CDH4: variants seen among roughly 807,000 people sequenced by gnomAD.
CDH4 encodes cadherin-4.
CDH4 carries 33 observed loss-of-function variants against 86.0 expected under a neutral mutation model. The ratio of observed to expected loss-of-function variants is 0.38; its 90% CI spans 0.29 to 0.51. The LOEUF is 0.51. Ranked by LOEUF, CDH4 falls within the 20% of genes least tolerant of loss-of-function variation. The probability of loss-of-function intolerance (pLI) is 0.86; values close to 1 mark genes in which losing one functional copy is unlikely to be tolerated. For synonymous variants in CDH4, 555 were observed against 549.4 expected (o/e 1.01, Z -0.14); for missense variants, 1,114 against 1,307.4 (o/e 0.85, Z 2.28).
intron 2 of CDH4, among the ~76,000 whole-genome samples, chr20:61,611,181 TCAGCCCCAGCCC>T (rs561535348): frequency 1.3e-5 from 2 of 151,866 alleles, no homozygotes; most frequent in South Asian, 2.1e-4. Flanking sequence ...GCCGGAGCTT[TCAGCCCCAGCCC>T]CAGCCCCAGC....
At chr20:61,867,584 A>T (rs1378707412) in intron 6 of CDH4, among the ~76,000 whole-genome samples, 2 of 150,730 alleles carry the variant, frequency 1.3e-5, no homozygotes, top group African/African-American at 2.4e-5. Flanking sequence ...AGCTTATGAT[A>T]AAATTGAGCC....
intron 2 of CDH4, among the ~76,000 whole-genome samples, chr20:61,288,179 A>G (rs1262522136): frequency 3.5e-5 from 5 of 141,978 alleles, no homozygotes; most frequent in African/African-American, 7.8e-5. Flanking sequence ...CTTTGGGCAC[A>G]GGATCCAGTT....
chr20:61,870,943 G>A (rs549001323), intron 6 of CDH4, among the ~76,000 whole-genome samples: 11 of 152,230 alleles, frequency 7.2e-5, no homozygotes, highest in Admixed American at 7.2e-4. Context: ...AAACCCTCAC[G>A]AGGCAAAGTT....
intron 2 of CDH4, among the ~76,000 whole-genome samples, chr20:61,692,275 T>G (rs567749166): frequency 2.0e-5 from 3 of 149,884 alleles, no homozygotes; most frequent in East Asian, 3.9e-4. Flanking sequence ...ATGTGTGTCT[T>G]TGTGTGTGTG....
intron 2 of CDH4, among the ~76,000 whole-genome samples, chr20:61,440,520 T>C (rs1396151571): frequency 1.3e-5 from 2 of 152,238 alleles, no homozygotes; most frequent in Non-Finnish European, 2.9e-5. Flanking sequence ...AAAATACATC[T>C]ATTTTTGCAA....
At chr20:61,488,967 C>T (rs2085611182) in intron 2 of CDH4, among the ~76,000 whole-genome samples, 1 of 152,114 alleles carries the variant, frequency 6.6e-6, no homozygotes, top group Non-Finnish European at 1.5e-5. Flanking sequence ...TAAATTCATC[C>T]ATCAGTTTGG....
chr20:61,324,026 G>A (rs187562586), intron 2 of CDH4, among the ~76,000 whole-genome samples: 5 of 152,310 alleles, frequency 3.3e-5, no homozygotes, highest in Admixed American at 6.5e-5. Flanking sequence ...GATAGAACTT[G>A]ACACAGCAGT....
At chr20:61,418,382 T>A (rs1486945052) in intron 2 of CDH4, among the ~76,000 whole-genome samples, 1 of 151,970 alleles carries the variant, frequency 6.6e-6, no homozygotes, top group African/African-American at 2.4e-5. Context: ...GGCTAATTTT[T>A]TGTATTTTTT....
chr20:61,834,562 G>A (rs146853862), intron 4 of CDH4, among the ~76,000 whole-genome samples: 1 of 152,194 alleles, frequency 6.6e-6, no homozygotes, highest in Non-Finnish European at 1.5e-5. Flanking sequence ...GACAGGTGGG[G>A]ACGCGTGCAT....
intron 2 of CDH4, among the ~76,000 whole-genome samples, chr20:61,675,131 T>C (rs75632643): frequency 0.014 from 2,074 of 152,308 alleles, 42 homozygotes; most frequent in African/African-American, 0.047. Flanking sequence ...CAGGCTGCTG[T>C]TTTTTGGCAG....
intron 5 of CDH4, among the ~76,000 whole-genome samples, chr20:61,848,420 G>A (rs1982558912): frequency 6.6e-6 from 1 of 152,252 alleles, no homozygotes; most frequent in Non-Finnish European, 1.5e-5. Flanking sequence ...CACTCAGGCT[G>A]GAATGCAGTG....
intron 2 of CDH4, among the ~76,000 whole-genome samples, chr20:61,479,342 C>T (rs573577010): frequency 1.1e-3 from 163 of 151,898 alleles, no homozygotes; most frequent in Non-Finnish European, 2.1e-3. Context: ...CTAATGCTAT[C>T]CCTCCCCCCT....
intron 2 of CDH4, among the ~76,000 whole-genome samples, chr20:61,731,088 G>A (rs1425756312): frequency 1.3e-5 from 2 of 152,022 alleles, no homozygotes; most frequent in Admixed American, 6.5e-5. Context: ...AGAAGGATCT[G>A]CACCGGGAGA....
chr20:61,641,051 T>G (rs2087002651), intron 2 of CDH4, among the ~76,000 whole-genome samples: 1 of 152,100 alleles, frequency 6.6e-6, no homozygotes, highest in East Asian at 1.9e-4. Flanking sequence ...GGTGGGTCCC[T>G]GGGACGTGCA....
At chr20:61,670,013 G>A (rs1339075174) in intron 2 of CDH4, among the ~76,000 whole-genome samples, 1 of 152,148 alleles carries the variant, frequency 6.6e-6, no homozygotes, top group Admixed American at 6.5e-5. Flanking sequence ...TTTCTAGCAG[G>A]AGCTGATCTA....
At chr20:61,370,032 G>A (rs1051676193) in intron 2 of CDH4, 10 of 152,416 alleles carry the variant, frequency 6.6e-5, no homozygotes, top group African/African-American at 2.2e-4. Context: ...GACCTGGTGG[G>A]AAGGTTTCTG....
At chr20:61,404,114 A>G (rs1568831639) in intron 2 of CDH4, among the ~76,000 whole-genome samples, 3 of 152,108 alleles carry the variant, frequency 2.0e-5, no homozygotes, top group Non-Finnish European at 2.9e-5. Context: ...GACACTGGGC[A>G]GGTGCAGCTG....
Position 61,579,226 on chromosome 20 carries a change from ACT to A in CDH4, c.170-164334_170-164333del, listed in dbSNP as rs1250915246. Among the ~76,000 whole-genome samples, 5 of 150,518 alleles carry A rather than the reference ACT, an allele frequency of 3.3e-5. No individual in the cohort carries two copies. In the East Asian group the frequency reaches 5.9e-4, roughly 18 times the overall value. ...ACTTTACCCCACTCGAGCAGGGGAG[ACT>A]CTACTAGCAGCCAGCCAGGCAGTCG... On this transcript the variant is annotated intron_variant, in intron 2 of 15. Coordinates refer to ENST00000614565, the MANE Select transcript of CDH4 (RefSeq NM_001794.5).
intron 2 of CDH4, among the ~76,000 whole-genome samples, chr20:61,726,340 G>A (rs368365889): frequency 9.2e-5 from 14 of 152,104 alleles, no homozygotes; most frequent in Middle Eastern, 3.2e-3. Flanking sequence ...GGTGCCCTGC[G>A]GTGGTTTCTG....
Sources: gnomAD v4.1 joint callset for allele counts (sites outside exome capture counted in the v4.1 genomes callset) on GRCh38, gnomAD v4.1.1 for gene constraint, MANE v1.5 for transcripts, NCBI Gene and HGNC (gene_info 2026-07-23, HGNC 2026-07-21) for gene names.